The following AP1G1 variants were observed in gnomAD, a reference collection of about 807,000 sequenced individuals.
The protein encoded by AP1G1 is AP-1 complex subunit gamma-1.
A neutral mutation model predicts 108.3 loss-of-function variants in AP1G1; 7 were observed. That is an observed-to-expected ratio of 0.06 (90% confidence interval 0.04 to 0.12). AP1G1 has a LOEUF of 0.12. Ranked by LOEUF, AP1G1 falls within the 10% of genes least tolerant of loss-of-function variation. The probability of loss-of-function intolerance (pLI) is 1.00; values close to 1 mark genes in which losing one functional copy is unlikely to be tolerated. For missense variants in AP1G1, 756 were observed against 1,010.7 expected (o/e 0.75, Z 3.42); for synonymous variants, 379 against 353.5 (o/e 1.07, Z -0.81).
At position 71,729,378 on chromosome 16, in the gene AP1G1, A is replaced by G. The variant is rs376878493; in HGVS notation, c.*3680T>C. ...GAAGCTCTTTCCCATGGGGCCCCCA[A>G]ATGGAAAACAAAAACAAAACACACA... On this transcript the variant is annotated 3_prime_UTR_variant, in exon 23 of 23. Transcript: ENST00000299980. The G allele has an allele frequency of 1.3e-5, 2 of 152,068 alleles. No individual in the cohort carries two copies. Among genetic ancestry groups the G allele is most frequent in the African/African-American group, 4.8e-5 (2 of 41,388 alleles). 9.4% of individuals were successfully genotyped at this position (152,068 alleles called of 1,614,324 possible).
intron 19 of AP1G1, 43 bp downstream of exon 19, chr16:71,745,101 C>A (rs749536503): frequency 1.2e-6 from 2 of 1,606,568 alleles, no homozygotes; most frequent in African/African-American, 2.7e-5. Context: ...TCCCTGAGGC[C>A]TCTATCTTTT....
intron 21 of AP1G1, among the ~76,000 whole-genome samples, chr16:71,737,419 G>C (rs902764023): frequency 2.0e-5 from 3 of 152,090 alleles, no homozygotes; most frequent in Admixed American, 2.0e-4. Flanking sequence ...GAGTAGCTGG[G>C]ACCACAGGCA....
At chr16:71,791,250 A>G (rs925496064) in intron 1 of AP1G1, among the ~76,000 whole-genome samples, 11 of 151,954 alleles carry the variant, frequency 7.2e-5, no homozygotes, top group African/African-American at 2.4e-4. Context: ...AAAAAAACAA[A>G]AACAAAAAAT....
intron 1 of AP1G1, among the ~76,000 whole-genome samples, chr16:71,802,938 G>T (rs1342581872): frequency 6.6e-6 from 1 of 152,058 alleles, no homozygotes; most frequent in African/African-American, 2.4e-5. Context: ...ATTTTAGCCA[G>T]GCTCGGTGGC....
chr16:71,748,186 T>G, intron 16 of AP1G1, 65 bp downstream of exon 16: 1 of 1,547,012 alleles, frequency 6.5e-7, no homozygotes, highest in Non-Finnish European at 8.7e-7. Context: ...AACAAGTTTT[T>G]TGGGATTTTT....
intron 2 of AP1G1, among the ~76,000 whole-genome samples, chr16:71,781,480 A>G (rs1403975484): frequency 1.3e-5 from 2 of 152,164 alleles, no homozygotes; most frequent in East Asian, 3.9e-4. Flanking sequence ...CTGGGCCTCA[A>G]TCTCATTTCT....
At chr16:71,748,910 T>TG (rs2145434584) in intron 15 of AP1G1, among the ~76,000 whole-genome samples, 1 of 151,456 alleles carries the variant, frequency 6.6e-6, no homozygotes, top group Non-Finnish European at 1.5e-5. Context: ...GTTTTTTTTT[T>TG]GTTTTTTTTG....
At chr16:71,759,029 A>G in intron 10 of AP1G1, 108 bp from the exon 11 acceptor site, 1 of 646,574 alleles carries the variant, frequency 1.5e-6, no homozygotes, top group East Asian at 3.1e-5. Context: ...GAGAAAGCAT[A>G]CATTTTTATT....
chr16:71,800,518 C>T (rs748228673), intron 1 of AP1G1, among the ~76,000 whole-genome samples: 4 of 150,754 alleles, frequency 2.7e-5, no homozygotes, highest in Admixed American at 1.3e-4. Context: ...CCCCCCGTCT[C>T]GGGTCGGGTG....
intron 11 of AP1G1, 116 bp from the exon 12 acceptor site, chr16:71,756,275 C>A: frequency 2.4e-6 from 2 of 823,570 alleles, no homozygotes; most frequent in South Asian, 4.7e-5. Context: ...CGTCCTTGCA[C>A]GATCTTGTGA....
At chr16:71,734,456 A>G in intron 22 of AP1G1, 153 bp downstream of exon 22, 1 of 646,726 alleles carries the variant, frequency 1.5e-6, no homozygotes, top group Non-Finnish European at 2.7e-6. Context: ...TCCATTTGTT[A>G]TTTACAAAAG....
At chr16:71,785,885 GA>G (rs896661571) in intron 2 of AP1G1, among the ~76,000 whole-genome samples, 24 of 146,258 alleles carry the variant, frequency 1.6e-4, no homozygotes, top group Admixed American at 1.4e-3. Context: ...CCATCTCAAA[GA>G]AAAAAAAAAG....
chr16:71,750,731 A>C (rs191209109), intron 13 of AP1G1, among the ~76,000 whole-genome samples: 4 of 152,128 alleles, frequency 2.6e-5, no homozygotes, highest in Admixed American at 1.3e-4. Context: ...TATTGTTTTT[A>C]AAAGAAGAAT....
chr16:71,738,787 G>A (rs550689501), intron 21 of AP1G1, among the ~76,000 whole-genome samples, 155 bp downstream of exon 21: 1 of 151,952 alleles, frequency 6.6e-6, no homozygotes, highest in Non-Finnish European at 1.5e-5. Flanking sequence ...AAAATGATAT[G>A]CTTCCATGAA....
At chr16:71,778,397 T>C (rs1353887936) in intron 2 of AP1G1, among the ~76,000 whole-genome samples, 2 of 152,122 alleles carry the variant, frequency 1.3e-5, no homozygotes, top group African/African-American at 4.8e-5. Context: ...AAGAATATTA[T>C]CAAGGCCGGG....
rs1254828486 is a variant in AP1G1 at position 71,739,043 on chromosome 16, G to A, written c.2167C>T (p.Arg723Trp). The A allele has an allele frequency of 6.2e-7, 1 of 1,614,122 alleles. No individual in the cohort carries two copies. The change falls in exon 21 of 23, where the codon CGG (arginine) becomes TGG (tryptophan). Residue 723 changes from arginine (R) to tryptophan (W), a missense_variant. Coordinates refer to ENST00000299980, the MANE Select transcript of AP1G1 (RefSeq NM_001128.6). ...NGLKIEFTFE[R>W]SNTNPSVTVI... ...GTTACACTGGGGTTGGTATTTGACCGTTCAAAGGTGAATTCTATCTTCAAG... is the reference window on the plus strand; with the variant it reads ...GTTACACTGGGGTTGGTATTTGACCATTCAAAGGTGAATTCTATCTTCAAG...
At chr16:71,808,223 C>A (rs2033065129) in intron 1 of AP1G1, 6 of 1,092,358 alleles carry the variant, frequency 5.5e-6, no homozygotes, top group Non-Finnish European at 6.8e-6. Flanking sequence ...CACACACACA[C>A]GAAAAATTGG....
At chr16:71,789,590 T>G in intron 1 of AP1G1, 108 bp from the exon 2 acceptor site, 1 of 1,137,408 alleles carries the variant, frequency 8.8e-7, no homozygotes, top group Non-Finnish European at 1.3e-6. Flanking sequence ...ATTCAAGACT[T>G]GCCAAATCCA....
Position 71,771,223 on chromosome 16 carries a change from C to T in AP1G1, c.498G>A (p.Arg166=), listed in dbSNP as rs1350113590. 2 of 1,608,376 alleles carry T rather than the reference C, an allele frequency of 1.2e-6. No individual in the cohort carries two copies. Among genetic ancestry groups the T allele is most frequent in the East Asian group, 2.2e-5 (1 of 44,788 alleles). ...ACATCTCCATAAGTTCAGGAACTTT[C>T]CTGATGACATGAACAGCACACAGTG... is the stretch of plus-strand genomic sequence containing the variant. The part of the protein sequence containing the change: ...KAALCAVHVI[R]KVPELMEMFL... The change falls in exon 5 of 23, where the codon AGG becomes AGA. Residue 166 remains arginine (R), a synonymous_variant. Coordinates refer to ENST00000299980, the MANE Select transcript of AP1G1 (RefSeq NM_001128.6).
Sources: allele counts gnomAD v4.1 joint callset (sites outside exome capture counted in the v4.1 genomes callset), GRCh38; gene constraint gnomAD v4.1.1; transcripts MANE v1.5; gene names NCBI Gene and HGNC (gene_info 2026-07-23, HGNC 2026-07-21).